The following TEKT1 variants were observed in gnomAD, a reference collection of about 807,000 sequenced individuals.
TEKT1 encodes tektin 1.
Under a neutral mutation model 34.8 loss-of-function variants are expected in TEKT1, and 32 were observed. The ratio of observed to expected loss-of-function variants is 0.92; its 90% CI spans 0.69 to 1.23. The LOEUF (loss-of-function observed/expected upper bound fraction) is 1.23. TEKT1 is among the 50% of genes most tolerant of loss of function. The pLI, the probability that TEKT1 is intolerant of heterozygous loss-of-function variation, is 0.00. For missense variants in TEKT1, 492 were observed against 518.5 expected, an observed-to-expected ratio of 0.95 and a Z score of 0.50; for synonymous variants, 207 against 199.8, an observed-to-expected ratio of 1.04 and a Z score of -0.30.
At position 6,811,374 on chromosome 17, in the gene TEKT1, T is replaced by A. The variant is rs868271378; in HGVS notation, c.852+1457A>T. Among the ~76,000 whole-genome samples the A allele has an allele frequency of 9.2e-5, 14 of 152,218 alleles. No individual in the cohort carries two copies. The highest frequency in any genetic ancestry group is 2.1e-4 in the Non-Finnish European group (14 of 68,024). On this transcript the variant is annotated intron_variant, in intron 6 of 7. Transcript: ENST00000338694. The surrounding 1 kb of genome is among the most constrained non-coding windows in gnomAD (Gnocchi z 4.4). ...CAGGCACTGTTCTAAATATTTTATA[T>A]GAGTTGTCTAACTTAACCCTGGCTG...
Position 6,800,851 on chromosome 17 carries a change from C to G in TEKT1, c.945G>C (p.Thr315=), listed in dbSNP as rs536852793. 2.2e-4 allele frequency: 356 copies of G among 1,614,126 alleles called. 2 individuals are homozygous for G. In the South Asian group the frequency reaches 3.7e-3, roughly 17 times the overall value. Residue 315 remains threonine (T), a synonymous_variant, in exon 7 of 8, where the codon ACG becomes ACC. Coordinates refer to ENST00000338694, the MANE Select transcript of TEKT1 (RefSeq NM_053285.2). ...GCCGGTGTGTCCTGGTCTCCAAGCGCGTATGAGCCACCTTGGCTGGCCCTT... is the reference window on the plus strand; with the variant it reads ...GCCGGTGTGTCCTGGTCTCCAAGCGGGTATGAGCCACCTTGGCTGGCCCTT... The part of the protein sequence containing the change: ...DQEGPAKVAH[T]RLETRTHRPN...
intron 2 of TEKT1, among the ~76,000 whole-genome samples, chr17:6,820,237 C>A (rs936024481): frequency 5.3e-5 from 8 of 151,940 alleles, no homozygotes; most frequent in Non-Finnish European, 1.2e-4. Flanking sequence ...TAATAAATTT[C>A]TTTTCTTACA....
At chr17:6,829,471 T>C (rs973938809) in intron 2 of TEKT1, among the ~76,000 whole-genome samples, 1 of 151,744 alleles carries the variant, frequency 6.6e-6, no homozygotes, top group Non-Finnish European at 1.5e-5. Flanking sequence ...TTCTTTCTCT[T>C]TCTTTCTTTC....
At chr17:6,823,486 C>T (rs529132195) in intron 2 of TEKT1, among the ~76,000 whole-genome samples, 1 of 152,292 alleles carries the variant, frequency 6.6e-6, no homozygotes, top group Non-Finnish European at 1.5e-5. Flanking sequence ...CAATCTCTCT[C>T]ATGCTTGGGG....
intron 6 of TEKT1, among the ~76,000 whole-genome samples, chr17:6,805,301 G>A (rs569608271): frequency 6.6e-5 from 10 of 152,084 alleles, no homozygotes; most frequent in East Asian, 1.9e-4. Flanking sequence ...CTGTGGGATC[G>A]GTGGTGATAT....
intron 2 of TEKT1, among the ~76,000 whole-genome samples, chr17:6,827,107 G>A (rs1464165565): frequency 6.6e-6 from 1 of 152,026 alleles, no homozygotes; most frequent in East Asian, 1.9e-4. Context: ...AATGTATGTG[G>A]GTTTGTTTCT....
rs533410979 is a variant in TEKT1, at chr17:6,830,244, C to T, written c.133G>A (p.Val45Met). 3.7e-5 allele frequency: 60 copies of T among 1,612,900 alleles called. No homozygotes were observed. In the South Asian group the frequency reaches 4.3e-4, roughly 12 times the overall value. ...CTTGTGGTCTTTTCAATTTCATCCA[C>T]AAGCCTCTGGCTTTCTGCGACCAGG... ...ERLVAESQRLVDEIEKTTRKS... is the reference protein window; with the variant it reads ...ERLVAESQRLMDEIEKTTRKS... Residue 45 changes from valine (V) to methionine (M), a missense_variant, in exon 2 of 8, where the codon GTG becomes ATG. Transcript: ENST00000338694.
rs1025800050 is a variant in TEKT1, at chr17:6,798,138, C to G, written c.*1889G>C. The G allele has an allele frequency of 6.6e-6, 1 of 152,210 alleles. No individual in the cohort carries two copies. Among genetic ancestry groups the G allele is most frequent in the East Asian group, 1.9e-4 (1 of 5,200 alleles). 9.4% of individuals were successfully genotyped at this position (152,210 alleles called of 1,614,324 possible). On this transcript the variant is annotated 3_prime_UTR_variant, in exon 8 of 8. Transcript: ENST00000338694. Reference sequence around the variant, plus strand: ...GACACTGTGTTGAGAGTCTTCCACACGTTATCTCGCCAATCTAGGCTTTAT... The same window carrying G: ...GACACTGTGTTGAGAGTCTTCCACAGGTTATCTCGCCAATCTAGGCTTTAT...
chr17:6,800,800 G>A lies in TEKT1; in HGVS notation c.996C>T (p.Val332=), dbSNP rs764014131. ...HRPNVELCRD[V]AQYRLMKEVQ... is the part of the protein sequence containing the mutation. The stretch of plus-strand genomic sequence containing the variant: ...CCTCCTTCATTAGCCTATATTGTGC[G>A]ACATCACGACACAGCTCCACGTTCG... The change falls in exon 7 of 8, where the codon GTC becomes GTT. Residue 332 remains valine (V), a synonymous_variant. Coordinates refer to ENST00000338694, the MANE Select transcript of TEKT1 (RefSeq NM_053285.2). 26 of 1,613,980 alleles carry A rather than the reference G, an allele frequency of 1.6e-5. No individual in the cohort carries two copies. The highest frequency in any genetic ancestry group is 6.7e-5 in the Admixed American group (4 of 59,992).
chr17:6,818,180 A>G (rs1977033416), intron 3 of TEKT1, among the ~76,000 whole-genome samples: 2 of 152,174 alleles, frequency 1.3e-5, no homozygotes. Flanking sequence ...TTGGTTTGCT[A>G]AGCTAAGAAG....
chr17:6,802,751 C>A (rs147756415), intron 6 of TEKT1, among the ~76,000 whole-genome samples: 1 of 151,204 alleles, frequency 6.6e-6, no homozygotes, highest in African/African-American at 2.4e-5. Context: ...TTTGTCTTTG[C>A]GATAGTTTGC....
intron 6 of TEKT1, among the ~76,000 whole-genome samples, chr17:6,812,382 TAG>T (rs1976940420): frequency 6.6e-6 from 1 of 152,122 alleles, no homozygotes; most frequent in African/African-American, 2.4e-5. Flanking sequence ...AACGACCAGC[TAG>T]AGTCCTAAAG....
At chr17:6,817,650 C>T (rs953593557) in intron 3 of TEKT1, among the ~76,000 whole-genome samples, 2 of 151,370 alleles carry the variant, frequency 1.3e-5, no homozygotes, top group African/African-American at 2.4e-5. Flanking sequence ...TGCTACACAA[C>T]GTTTTGCTCT....
intron 6 of TEKT1, among the ~76,000 whole-genome samples, chr17:6,810,708 A>T (rs913122047): frequency 1.3e-5 from 2 of 152,146 alleles, no homozygotes; most frequent in Non-Finnish European, 2.9e-5. Context: ...CCAACCATGT[A>T]TCACCATACA....
chr17:6,808,721 G>A (rs960619231), intron 6 of TEKT1, among the ~76,000 whole-genome samples: 2 of 151,934 alleles, frequency 1.3e-5, no homozygotes, highest in African/African-American at 2.4e-5. Context: ...TTAAATATTC[G>A]AATGCTATCT....
At chr17:6,806,377 G>A (rs9675185) in intron 6 of TEKT1, among the ~76,000 whole-genome samples, 28,166 of 151,966 alleles carry the variant, frequency 0.19, 2,924 homozygotes, top group East Asian at 0.4. Context: ...ACATGAGATG[G>A]GTTTCCTGAA....
chr17:6,810,723 C>T (rs1042406961), intron 6 of TEKT1, among the ~76,000 whole-genome samples: 6 of 151,910 alleles, frequency 3.9e-5, no homozygotes, highest in African/African-American at 1.5e-4. Flanking sequence ...CATACAGTGA[C>T]ATCTTACTAT....
chr17:6,817,926 G>T (rs1977028251), intron 3 of TEKT1, among the ~76,000 whole-genome samples: 1 of 152,162 alleles, frequency 6.6e-6, no homozygotes, highest in African/African-American at 2.4e-5. Flanking sequence ...ACTGGGTGTT[G>T]AGCTCTTTGA....
Position 6,800,096 on chromosome 17 carries a change from G to A in TEKT1, c.1188C>T (p.Ser396=). 1 of 1,613,768 alleles carries A rather than the reference G, an allele frequency of 6.2e-7. No individual in the cohort carries two copies. Among genetic ancestry groups the A allele is most frequent in the African/African-American group, 1.3e-5 (1 of 75,068 alleles). ...DEVLCMQMRK[S]IPLRDGEDHG... is the part of the protein sequence containing the mutation. Reference sequence around the variant, plus strand: ...GGTCTTCCCCATCCCGAAGTGGGATGGATTTCCTCATCTGCATACACAGCA... The same window carrying A: ...GGTCTTCCCCATCCCGAAGTGGGATAGATTTCCTCATCTGCATACACAGCA... Residue 396 remains serine, a synonymous_variant, in exon 8 of 8, where the codon TCC becomes TCT. Transcript: ENST00000338694.
Sources: allele counts gnomAD v4.1 joint callset (sites outside exome capture counted in the v4.1 genomes callset), GRCh38; gene constraint gnomAD v4.1.1; non-coding constraint Gnocchi (gnomAD v3.1); transcripts MANE v1.5; gene names NCBI Gene and HGNC (gene_info 2026-07-23, HGNC 2026-07-21).